Variants in WDFY3 observed in about 807,000 individuals in gnomAD.
The protein encoded by WDFY3 is WD repeat and FYVE domain containing 3, also known as WD repeat and FYVE domain-containing protein 3.
WDFY3 carries 66 observed loss-of-function variants against 409.6 expected under a neutral mutation model. The ratio of observed to expected loss-of-function variants is 0.16; its 90% CI spans 0.13 to 0.20. WDFY3 has a LOEUF of 0.20. Ranked by LOEUF, WDFY3 falls within the 10% of genes least tolerant of loss-of-function variation. The pLI is 1.00. For missense variants in WDFY3, 3,031 were observed against 4,298.1 expected (o/e 0.71, Z 8.24); for synonymous variants, 1,521 against 1,537.1 (o/e 0.99, Z 0.25).
At chr4:84,690,705 T>C in intron 60 of WDFY3, 41 bp from the exon 61 acceptor site, 1 of 1,558,884 alleles carries the variant, frequency 6.4e-7, no homozygotes, top group African/African-American at 1.4e-5. Context: ...TGCCGTTAAG[T>C]ACTATACAAA....
chr4:84,909,642 T>C (rs1209596748), intron 2 of WDFY3, among the ~76,000 whole-genome samples: 1 of 152,062 alleles, frequency 6.6e-6, no homozygotes, highest in African/African-American at 2.4e-5. Context: ...AATACTAATA[T>C]TGTCTTTTAT....
chr4:84,954,989 G>C (rs1774059755), intron 1 of WDFY3, among the ~76,000 whole-genome samples: 1 of 152,180 alleles, frequency 6.6e-6, no homozygotes, highest in Non-Finnish European at 1.5e-5. Context: ...TGGATCACTT[G>C]AGCTCAGGAG....
intron 27 of WDFY3, among the ~76,000 whole-genome samples, chr4:84,775,785 T>C (rs1323999728): frequency 6.6e-6 from 1 of 151,118 alleles, no homozygotes; most frequent in Non-Finnish European, 1.5e-5. Context: ...AAACATTAAG[T>C]GGACAAAGGG....
chr4:84,831,470 C>T lies in WDFY3; in HGVS notation c.712G>A (p.Val238Ile). ...CCATGACGAGATATGGTCATGAGGACTTCTCCAGCACTCTTTCTCCAAGGC... is the reference window on the plus strand; with the variant it reads ...CCATGACGAGATATGGTCATGAGGATTTCTCCAGCACTCTTTCTCCAAGGC... Reference protein sequence around the residue: ...NLPWRKSAGEVLMTISRHGLS... With the variant: ...NLPWRKSAGEILMTISRHGLS... The change falls in exon 8 of 68, where the codon GTC (valine) becomes ATC (isoleucine). Residue 238 changes from valine to isoleucine, a missense_variant. Physicochemically the swap from Val to Ile is conservative, Grantham distance 29 (BLOSUM62 3). Transcript: ENST00000295888. The T allele has an allele frequency of 6.2e-7, 1 of 1,614,022 alleles. No homozygotes were observed. Among genetic ancestry groups the T allele is most frequent in the South Asian group, 1.1e-5 (1 of 91,066 alleles).
At chr4:84,913,298 CATT>C (rs1372933507) in intron 2 of WDFY3, among the ~76,000 whole-genome samples, 1 of 152,122 alleles carries the variant, frequency 6.6e-6, no homozygotes, top group Non-Finnish European at 1.5e-5. Flanking sequence ...AAGATGCCAT[CATT>C]GTTACAGAAG....
intron 3 of WDFY3, among the ~76,000 whole-genome samples, chr4:84,874,122 A>G (rs901480103): frequency 3.3e-5 from 5 of 151,540 alleles, no homozygotes; most frequent in African/African-American, 1.2e-4. Context: ...CTTCTGATAA[A>G]CCAAGCAGAG....
chr4:84,927,523 G>C lies in WDFY3; in HGVS notation c.-132+4747C>G, dbSNP rs138639562. ...GGATTAAGGGATACCCAGTGAAATG[G>C]TTTGGCTTTGTGTCCCCACCCAAAT... On this transcript the variant is annotated intron_variant, in intron 2 of 67. Coordinates refer to ENST00000295888, the MANE Select transcript of WDFY3 (RefSeq NM_014991.6). Among the ~76,000 whole-genome samples, 14 of 152,306 alleles carry C rather than the reference G, an allele frequency of 9.2e-5. No individual in the cohort carries two copies. The East Asian group carries it at 2.7e-3, about 29-fold the overall frequency.
At chr4:84,723,742 G>A (rs1735214852) in intron 46 of WDFY3, among the ~76,000 whole-genome samples, 1 of 152,196 alleles carries the variant, frequency 6.6e-6, no homozygotes, top group African/African-American at 2.4e-5. Flanking sequence ...GTGAACAGAG[G>A]AGTTGGAGAA....
intron 36 of WDFY3, among the ~76,000 whole-genome samples, chr4:84,748,471 T>G (rs1428377184): frequency 6.6e-6 from 1 of 152,168 alleles, no homozygotes; most frequent in Non-Finnish European, 1.5e-5. Flanking sequence ...AATAATCTTG[T>G]AAGAGAGATG....
At chr4:84,814,326 C>T (rs1396147417) in intron 13 of WDFY3, among the ~76,000 whole-genome samples, 14 of 152,116 alleles carry the variant, frequency 9.2e-5, no homozygotes, top group Non-Finnish European at 1.8e-4. Flanking sequence ...CCCTAGAGTC[C>T]GTTTCCTTTA....
intron 2 of WDFY3, among the ~76,000 whole-genome samples, chr4:84,909,138 C>T (rs763869060): frequency 6.6e-6 from 1 of 151,682 alleles, no homozygotes; most frequent in Non-Finnish European, 1.5e-5. Context: ...ACAAGATGGG[C>T]CAATATATAA....
chr4:84,841,068 T>C, intron 6 of WDFY3, 86 bp downstream of exon 6: 2 of 1,040,382 alleles, frequency 1.9e-6, no homozygotes, highest in South Asian at 3.1e-5. Context: ...CTCATTTGGA[T>C]ATAATGATGA....
chr4:84,927,214 C>T (rs1770113223), intron 2 of WDFY3, among the ~76,000 whole-genome samples: 1 of 152,152 alleles, frequency 6.6e-6, no homozygotes, highest in Non-Finnish European at 1.5e-5. Context: ...CTTAAGAAGT[C>T]ATGCTCCATC....
chr4:84,694,072 T>C (rs1321973812), intron 58 of WDFY3, among the ~76,000 whole-genome samples: 1 of 152,078 alleles, frequency 6.6e-6, no homozygotes, highest in Non-Finnish European at 1.5e-5. Context: ...GTAAATTAGA[T>C]ATTTGGGGTT....
intron 54 of WDFY3, 90 bp from the exon 55 acceptor site, chr4:84,704,534 T>G: frequency 9.4e-7 from 1 of 1,068,518 alleles, no homozygotes; most frequent in Non-Finnish European, 1.4e-6. Flanking sequence ...AATGCTAGCC[T>G]ATGTGATAAC....
At chr4:84,931,077 G>C (rs1251177532) in intron 2 of WDFY3, among the ~76,000 whole-genome samples, 1 of 152,146 alleles carries the variant, frequency 6.6e-6, no homozygotes, top group African/African-American at 2.4e-5. Flanking sequence ...AGGCAAGTAT[G>C]TATAGAAAAA....
chr4:84,766,799 A>C (rs534449605), intron 30 of WDFY3, among the ~76,000 whole-genome samples: 1 of 152,378 alleles, frequency 6.6e-6, no homozygotes, highest in East Asian at 1.9e-4. Flanking sequence ...AGACTTATTC[A>C]GTAAACGTAA....
chr4:84,768,666 G>A (rs1024163977), intron 30 of WDFY3, among the ~76,000 whole-genome samples: 3 of 152,180 alleles, frequency 2.0e-5, no homozygotes, highest in African/African-American at 7.2e-5. Context: ...AATGCACCTA[G>A]CCATCCAAGA....
In WDFY3 at chr4:84,831,570, C is replaced by T; in HGVS notation, c.612G>A (p.Ala204=). ...LVKLCSFVSP[A]EELAQKDDLQ... ...GATCATCTTTCTGAGCCAGCTCCTC[C>T]GCAGGGGAAACAAAACTGCACAGTT... is the stretch of plus-strand genomic sequence containing the variant. The change falls in exon 8 of 68, where the codon GCG becomes GCA. Residue 204 remains alanine (A), a synonymous_variant. Transcript: ENST00000295888. The T allele has an allele frequency of 3.1e-6, 5 of 1,613,604 alleles. No homozygotes were observed. The highest frequency in any genetic ancestry group is 3.4e-6 in the Non-Finnish European group (4 of 1,179,780).
Sources: allele counts gnomAD v4.1 joint callset (sites outside exome capture counted in the v4.1 genomes callset), GRCh38; gene constraint gnomAD v4.1.1; transcripts MANE v1.5; gene names NCBI Gene and HGNC (gene_info 2026-07-23, HGNC 2026-07-21).